SV2C: variants seen among roughly 807,000 people sequenced by gnomAD.
SV2C encodes solute carrier family 22 member B3.
In SV2C, 49 loss-of-function variants were observed where a neutral mutation model predicts 79.7. The observed-to-expected ratio is 0.61, with a 90% CI of 0.49 to 0.78. SV2C has a LOEUF of 0.78. SV2C is among the 30% of genes least tolerant of loss of function. The probability of loss-of-function intolerance (pLI) is 0.00; values close to 1 mark genes in which losing one functional copy is unlikely to be tolerated. For synonymous variants in SV2C, 334 were observed against 333.2 expected (o/e 1.00, Z -0.03); for missense variants, 833 against 912.9 (o/e 0.91, Z 1.13).
At chr5:76,251,491 C>T (rs945153941) in intron 4 of SV2C, among the ~76,000 whole-genome samples, 27 of 152,120 alleles carry the variant, frequency 1.8e-4, no homozygotes, top group African/African-American at 5.3e-4. Context: ...TTAGAGGCTT[C>T]GGTGAACTAT....
intron 2 of SV2C, among the ~76,000 whole-genome samples, chr5:76,187,955 A>G (rs1004159012): frequency 2.6e-5 from 4 of 152,068 alleles, no homozygotes; most frequent in African/African-American, 9.7e-5. Context: ...ACGTGATGCC[A>G]ATAGTAATAT....
the SV2C span, among the ~76,000 whole-genome samples, chr5:76,051,897 T>C: frequency 5.3e-5 from 8 of 152,180 alleles, no homozygotes; most frequent in Admixed American, 5.2e-4. Flanking sequence ...AAAGTAAACT[T>C]GTGAGGAAAG....
At position 76,257,104 on chromosome 5, in the gene SV2C, C is replaced by T. The variant is rs1226479369; in HGVS notation, c.914-28058C>T. Among the ~76,000 whole-genome samples, 4 of 134,048 alleles carry T rather than the reference C, an allele frequency of 3.0e-5. No individual in the cohort carries two copies. The South Asian group carries it at 9.2e-4, about 31-fold the overall frequency. 87.9% of individuals were successfully genotyped at this position (134,048 alleles called of 152,430 possible). A position where few individuals can be genotyped will look rare whatever the true frequency, so the allele number is the denominator to read the frequency against. ...AACCTGCACAGGTGTTCTGATGTGC[C>T]GTAAACTTCCAGAGCCACTGAATTC... On this transcript the variant is annotated intron_variant, in intron 4 of 12. Transcript: ENST00000502798.
At chr5:76,336,296 G>T (rs1260016269), downstream of SV2C, among the ~76,000 whole-genome samples, 3 of 152,078 alleles carry the variant, frequency 2.0e-5, no homozygotes, top group Non-Finnish European at 4.4e-5. Context: ...CTCAGACGGG[G>T]CGGCCGGGCA....
At chr5:76,291,913 C>T in intron 8 of SV2C, 57 bp downstream of exon 8, 1 of 1,257,204 alleles carries the variant, frequency 8.0e-7, no homozygotes, top group Non-Finnish European at 1.1e-6. Context: ...CATTGTAACT[C>T]CTAGCCATGC....
chr5:75,906,453 A>G, the SV2C span, among the ~76,000 whole-genome samples: 4 of 150,206 alleles, frequency 2.7e-5, no homozygotes, highest in Non-Finnish European at 4.4e-5. Context: ...TTTTTTCCTA[A>G]TCATGGACAT....
chr5:76,145,053 G>A (rs1164028391), intron 2 of SV2C, among the ~76,000 whole-genome samples: 2 of 152,188 alleles, frequency 1.3e-5, no homozygotes, highest in Non-Finnish European at 2.9e-5. Context: ...GATTTTGTGG[G>A]GAAGATTACC....
chr5:75,929,725 C>T, the SV2C span, among the ~76,000 whole-genome samples: 1 of 152,168 alleles, frequency 6.6e-6, no homozygotes, highest in Admixed American at 6.5e-5. Flanking sequence ...TGAGCTTCTA[C>T]ATGCCAGCTA....
intron 9 of SV2C, 33 bp downstream of exon 9, chr5:76,295,975 C>G (rs1181056222): frequency 6.5e-7 from 1 of 1,530,950 alleles, no homozygotes. Context: ...AATTTGCTAC[C>G]TATTCACAAA....
At chr5:76,039,628 C>T in the SV2C span, among the ~76,000 whole-genome samples, 2 of 151,844 alleles carry the variant, frequency 1.3e-5, no homozygotes, top group African/African-American at 4.8e-5. Context: ...TGGTGGTAGG[C>T]ACCTATAATC....
the SV2C span, among the ~76,000 whole-genome samples, chr5:75,888,176 G>T: frequency 6.6e-6 from 1 of 151,896 alleles, no homozygotes; most frequent in Admixed American, 6.6e-5. Context: ...ACCTGACAAA[G>T]GGGGCTTCTG....
chr5:76,109,295 A>G (rs1445999421), intron 1 of SV2C, among the ~76,000 whole-genome samples: 1 of 152,218 alleles, frequency 6.6e-6, no homozygotes, highest in East Asian at 1.9e-4. Context: ...TTGAGATTAC[A>G]AGAATAGTGC....
the SV2C span, among the ~76,000 whole-genome samples, chr5:76,057,441 G>C: frequency 6.7e-6 from 1 of 149,298 alleles, no homozygotes; most frequent in Non-Finnish European, 1.5e-5. Context: ...ATGTGTTCTC[G>C]TTGTTCAATT....
At chr5:75,879,101 A>C in the SV2C span, among the ~76,000 whole-genome samples, 1 of 152,184 alleles carries the variant, frequency 6.6e-6, no homozygotes, top group Admixed American at 6.5e-5. Flanking sequence ...TAAGGCATTC[A>C]TGAGGGATGA....
intron 2 of SV2C, chr5:76,173,771 C>A: frequency 6.2e-7 from 1 of 1,610,008 alleles, no homozygotes; most frequent in Non-Finnish European, 8.5e-7. Context: ...ACAGTTGTTC[C>A]ATTGTCTTGC....
the SV2C span, among the ~76,000 whole-genome samples, chr5:75,917,908 T>G: frequency 6.6e-6 from 1 of 152,190 alleles, no homozygotes. Context: ...TGCATGCCTA[T>G]ATAAAAGACT....
intron 4 of SV2C, among the ~76,000 whole-genome samples, chr5:76,274,961 A>T (rs76166522): frequency 0.022 from 3,275 of 152,246 alleles, 107 homozygotes; most frequent in African/African-American, 0.074. Context: ...GGGCCCTTGA[A>T]AAAATGGATT....
intron 3 of SV2C, among the ~76,000 whole-genome samples, chr5:76,198,682 CT>C (rs1744344222): frequency 6.6e-6 from 1 of 152,138 alleles, no homozygotes; most frequent in Admixed American, 6.5e-5. Flanking sequence ...GGCTATTTTA[CT>C]TTTGCTTGCT....
At chr5:76,127,682 A>T (rs2112176725) in intron 1 of SV2C, among the ~76,000 whole-genome samples, 1 of 152,264 alleles carries the variant, frequency 6.6e-6, no homozygotes, top group South Asian at 2.1e-4. Context: ...GCACCTTCAG[A>T]GGATTGCCTT....
Sources: gnomAD v4.1 joint callset for allele counts (sites outside exome capture counted in the v4.1 genomes callset) on GRCh38, gnomAD v4.1.1 for gene constraint, MANE v1.5 for transcripts, NCBI Gene and HGNC (gene_info 2026-07-23, HGNC 2026-07-21) for gene names.